ECPAS: variants seen among roughly 807,000 people sequenced by gnomAD.
The protein encoded by ECPAS is Ecm29 proteasome adaptor and scaffold, also known as proteasome adapter and scaffold protein ECM29.
Under a neutral mutation model 255.1 loss-of-function variants are expected in ECPAS, and 70 were observed. The ratio of observed to expected loss-of-function variants is 0.27; its 90% CI spans 0.23 to 0.33. ECPAS has a LOEUF of 0.33. Among genes scored for constraint, ECPAS ranks in the 10% least tolerant of loss-of-function variants. The probability of loss-of-function intolerance (pLI) is 1.00; values close to 1 mark genes in which losing one functional copy is unlikely to be tolerated. For synonymous variants in ECPAS, 784 were observed against 775.0 expected (o/e 1.01, Z -0.19); for missense variants, 1,817 against 2,206.4 (o/e 0.82, Z 3.54).
At chr9:111,362,984 A>G (rs1005077724) in intron 49 of ECPAS, among the ~76,000 whole-genome samples, 1 of 152,180 alleles carries the variant, frequency 6.6e-6, no homozygotes, top group Admixed American at 6.5e-5. Flanking sequence ...GGTTGCAGGA[A>G]AAACGTTTCC....
At chr9:111,467,251 AAGAGAAG>A (rs1315332729) in intron 2 of ECPAS, among the ~76,000 whole-genome samples, 2 of 152,146 alleles carry the variant, frequency 1.3e-5, no homozygotes, top group Admixed American at 6.5e-5. Context: ...GAGAAAAGAG[AAGAGAAG>A]AGAGAAGAGA....
chr9:111,468,107 G>A (rs892020232), intron 2 of ECPAS, among the ~76,000 whole-genome samples: 5 of 152,074 alleles, frequency 3.3e-5, no homozygotes, highest in African/African-American at 7.2e-5. Flanking sequence ...CCGAGATCAC[G>A]CCACTGCACT....
chr9:111,483,201 CA>C (rs1035174670), intron 1 of ECPAS, among the ~76,000 whole-genome samples: 1 of 151,982 alleles, frequency 6.6e-6, no homozygotes, highest in African/African-American at 2.4e-5. Context: ...AGCCGAGGCT[CA>C]GTGGGCAGGG....
In ECPAS at chr9:111,363,632, G is replaced by C; in HGVS notation, c.5336C>G (p.Thr1779Arg). The change falls in exon 49 of 50, where the codon ACA (threonine) becomes AGA (arginine). Residue 1779 changes from threonine (T) to arginine (R), a missense_variant. By Grantham distance (71) the Thr-to-Arg change is moderately conservative. Around this residue, in one of 4 missense-constraint regions of ECPAS, gnomAD observed 960 missense variants for 1,179.0 expected, o/e 0.81. Transcript: ENST00000684092. Reference protein sequence around the residue: ...LENKTYSSVRTEALSVIELLL... With the variant: ...LENKTYSSVRREALSVIELLL... Reference sequence around the variant, plus strand: ...CAATTCTATCACAGATAAAGCTTCTGTTCTCACAGATGAGTAGGTCTTATT... The same window carrying C: ...CAATTCTATCACAGATAAAGCTTCTCTTCTCACAGATGAGTAGGTCTTATT... 6.4e-7 allele frequency: 1 copy of C among 1,566,276 alleles called. No homozygotes were observed. Among genetic ancestry groups the C allele is most frequent in the Non-Finnish European group, 8.7e-7 (1 of 1,152,808 alleles).
intron 24 of ECPAS, among the ~76,000 whole-genome samples, chr9:111,401,921 G>C (rs1168626174): frequency 2.0e-5 from 3 of 152,166 alleles, no homozygotes; most frequent in Non-Finnish European, 4.4e-5. Context: ...AGCGTGCACT[G>C]ATTTCATATT....
chr9:111,425,858 A>G (rs1217491691), intron 10 of ECPAS, 30 bp from the exon 11 acceptor site: 1 of 1,040,800 alleles, frequency 9.6e-7, no homozygotes, highest in South Asian at 1.5e-5. Context: ...GAGAACATCA[A>G]TTAATAAAAA....
intron 2 of ECPAS, among the ~76,000 whole-genome samples, chr9:111,451,787 T>C (rs2098260588): frequency 6.6e-6 from 1 of 152,182 alleles, no homozygotes; most frequent in Non-Finnish European, 1.5e-5. Flanking sequence ...GAACAAAAAG[T>C]TCTCTCCCAC....
chr9:111,430,654 T>C, intron 8 of ECPAS, 26 bp from the exon 9 acceptor site: 2 of 1,473,144 alleles, frequency 1.4e-6, no homozygotes, highest in Non-Finnish European at 1.9e-6. Flanking sequence ...ACACAGGTTG[T>C]TAAAATTATT....
intron 24 of ECPAS, among the ~76,000 whole-genome samples, chr9:111,397,867 C>T (rs929954169): frequency 3.3e-5 from 5 of 152,274 alleles, no homozygotes; most frequent in African/African-American, 1.2e-4. Flanking sequence ...CTTACAGCTT[C>T]ACTGTAAGTT....
intron 3 of ECPAS, among the ~76,000 whole-genome samples, 153 bp from the exon 4 acceptor site, chr9:111,444,647 T>C (rs954516643): frequency 2.6e-5 from 4 of 152,214 alleles, no homozygotes; most frequent in Non-Finnish European, 5.9e-5. Context: ...AAAGGGAGTA[T>C]ACACTACATG....
At chr9:111,412,231 C>A (rs765931562) in intron 20 of ECPAS, 83 bp from the exon 21 acceptor site, 5 of 1,191,848 alleles carry the variant, frequency 4.2e-6, no homozygotes, top group Non-Finnish European at 5.6e-6. Context: ...ATTAAAAGAA[C>A]GTTCAATCTG....
intron 36 of ECPAS, among the ~76,000 whole-genome samples, chr9:111,377,474 G>C (rs567693563): frequency 1.4e-3 from 207 of 152,084 alleles, no homozygotes; most frequent in Middle Eastern, 3.4e-3. Flanking sequence ...CAGTGCCAAA[G>C]GTACGGAGAA....
chr9:111,484,360 G>A lies in ECPAS; in HGVS notation c.-327C>T, dbSNP rs1267496007. The stretch of plus-strand genomic sequence containing the variant: ...GGGCCCGACCTGGGGAAACACGCCT[G>A]TCCAAAGGAAGAGACGTGGACTCAG... On this transcript the variant is annotated 5_prime_UTR_variant, in exon 1 of 50. Transcript: ENST00000684092. The A allele has an allele frequency of 2.5e-6, 4 of 1,611,124 alleles. No individual in the cohort carries two copies. The highest frequency in any genetic ancestry group is 2.5e-6 in the Non-Finnish European group (3 of 1,179,240).
Position 111,374,156 on chromosome 9 carries a change from T to A in ECPAS, c.4111-118A>T. On this transcript the variant is annotated intron_variant, in intron 38 of 49. Coordinates refer to ENST00000684092, the MANE Select transcript of ECPAS (RefSeq NM_001364929.1). The stretch of plus-strand genomic sequence containing the variant: ...AAAATACATGAAGCCTAATACCCCC[T>A]CCAGGACTCAATATAGAAAAAGGCA... 1.3e-5 allele frequency: 9 copies of A among 676,200 alleles called. No homozygotes were observed. In the South Asian group the frequency reaches 1.9e-4, roughly 14 times the overall value. 41.9% of individuals were successfully genotyped at this position (676,200 alleles called of 1,614,324 possible).
At chr9:111,383,172 A>T (rs779177141) in intron 35 of ECPAS, 39 bp downstream of exon 35, 3 of 1,606,204 alleles carry the variant, frequency 1.9e-6, no homozygotes, top group Non-Finnish European at 8.5e-7. Context: ...CTAGGAACTG[A>T]GCAAATCCAA....
At chr9:111,371,864 C>A (rs759759528) in intron 42 of ECPAS, 35 bp from the exon 43 acceptor site, 2 of 1,546,146 alleles carry the variant, frequency 1.3e-6, no homozygotes, top group Non-Finnish European at 1.8e-6. Flanking sequence ...TTTTAAGTGA[C>A]AAGAAAAATT....
intron 1 of ECPAS, chr9:111,483,572 G>T: frequency 1.3e-6 from 1 of 786,642 alleles, no homozygotes; most frequent in Non-Finnish European, 1.5e-6. Flanking sequence ...CGAGGGAGGG[G>T]CTGGGGGGGC....
intron 6 of ECPAS, among the ~76,000 whole-genome samples, chr9:111,438,536 AG>A (rs1263628040): frequency 1.3e-5 from 2 of 152,200 alleles, no homozygotes; most frequent in African/African-American, 2.4e-5. Context: ...TGAACCCAGG[AG>A]GTCAAGGCTG....
At chr9:111,470,746 CCACACACACACACACA>C (rs57091815) in intron 2 of ECPAS, among the ~76,000 whole-genome samples, 8 of 124,494 alleles carry the variant, frequency 6.4e-5, no homozygotes, top group Non-Finnish European at 1.1e-4. Flanking sequence ...TCTCCTCCCG[CCACACACACACACACA>C]CACACACACA....
Sources: allele counts gnomAD v4.1 joint callset (sites outside exome capture counted in the v4.1 genomes callset), GRCh38; gene constraint gnomAD v4.1.1; regional missense constraint gnomAD v4.1.1; transcripts MANE v1.5; gene names NCBI Gene and HGNC (gene_info 2026-07-23, HGNC 2026-07-21).